The following DLG2 variants were observed in gnomAD, a reference collection of about 807,000 sequenced individuals.
DLG2 encodes the protein disks large homolog 2.
Under a neutral mutation model 132.5 loss-of-function variants are expected in DLG2, and 45 were observed. That is an observed-to-expected ratio of 0.34 (90% CI 0.27 to 0.44). The LOEUF is 0.44. DLG2 is among the 20% of genes least tolerant of loss of function. The pLI is 1.00. For missense variants in DLG2, 1,045 were observed against 1,196.9 expected, an observed-to-expected ratio of 0.87 and a Z score of 1.87; for synonymous variants, 424 against 419.6, an observed-to-expected ratio of 1.01 and a Z score of -0.13.
chr11:84,001,194 G>A (rs1472044946), intron 11 of DLG2, among the ~76,000 whole-genome samples: 1 of 151,222 alleles, frequency 6.6e-6, no homozygotes, highest in East Asian at 1.9e-4. Flanking sequence ...CTGCCTATAA[G>A]AAACATACTT....
At position 85,583,130 on chromosome 11, in the gene DLG2, G is replaced by GTATGTATATATATA. The variant is rs2078715565; in HGVS notation, c.40+15526_40+15527insTATATATATACATA. On this transcript the variant is annotated intron_variant, in intron 3 of 27. Transcript: ENST00000376104. Reference sequence around the variant, plus strand: ...TGTGTGTGTGTGTGTGTGTGTGTGTGTATATATATATATATATATATATAT... The same window carrying GTATGTATATATATA: ...TGTGTGTGTGTGTGTGTGTGTGTGTGTATGTATATATATATATATATATATATATATATATATAT... 1.2e-3 allele frequency among the ~76,000 whole-genome samples: 17 copies of GTATGTATATATATA among 13,606 alleles called. 1 individual carries two copies. The highest frequency in any genetic ancestry group is 3.0e-3 in the African/African-American group (15 of 4,942). 8.9% of individuals were successfully genotyped at this position (13,606 alleles called of 152,430 possible).
intron 17 of DLG2, among the ~76,000 whole-genome samples, chr11:83,805,962 C>T (rs2045804710): frequency 6.6e-6 from 1 of 152,130 alleles, no homozygotes; most frequent in African/African-American, 2.4e-5. Context: ...AGTTCAATGT[C>T]CTACATTACA....
chr11:85,613,606 C>T (rs1186547726), intron 2 of DLG2, among the ~76,000 whole-genome samples: 2 of 152,124 alleles, frequency 1.3e-5, no homozygotes, highest in African/African-American at 4.8e-5. Flanking sequence ...TGCTCTGTGT[C>T]TAGCTAAAGG....
At chr11:84,673,160 C>T (rs887788788) in intron 6 of DLG2, among the ~76,000 whole-genome samples, 5 of 152,022 alleles carry the variant, frequency 3.3e-5, no homozygotes, top group East Asian at 1.9e-4. Flanking sequence ...AGATCCAAAC[C>T]GTATCACCTG....
intron 17 of DLG2, among the ~76,000 whole-genome samples, chr11:83,789,006 T>C (rs1485636566): frequency 6.6e-6 from 1 of 152,220 alleles, no homozygotes; most frequent in Non-Finnish European, 1.5e-5. Flanking sequence ...AGGCCATTTA[T>C]TATAATAGGC....
chr11:84,292,763 A>G (rs2098022207), intron 7 of DLG2, among the ~76,000 whole-genome samples: 1 of 152,172 alleles, frequency 6.6e-6, no homozygotes, highest in African/African-American at 2.4e-5. Context: ...TTTTCAGAAG[A>G]ATAAAGTACT....
chr11:84,208,361 G>A (rs1158523871), intron 8 of DLG2, among the ~76,000 whole-genome samples: 1 of 52,158 alleles, frequency 1.9e-5, no homozygotes, highest in African/African-American at 8.7e-5. Context: ...TTTTTTTTTT[G>A]GTGAGATGGA....
intron 3 of DLG2, among the ~76,000 whole-genome samples, chr11:85,305,391 C>A (rs545128057): frequency 6.6e-6 from 1 of 152,306 alleles, no homozygotes; most frequent in Admixed American, 6.5e-5. Context: ...TACCACTTGT[C>A]ACCAACGAAA....
At chr11:85,147,273 G>A (rs766299229) in intron 5 of DLG2, among the ~76,000 whole-genome samples, 26 of 152,086 alleles carry the variant, frequency 1.7e-4, no homozygotes, top group African/African-American at 4.1e-4. Flanking sequence ...TCACTGGAAC[G>A]TTCTATTCAG....
chr11:84,782,821 T>C (rs190894831), intron 6 of DLG2, among the ~76,000 whole-genome samples: 1 of 152,292 alleles, frequency 6.6e-6, no homozygotes, highest in Admixed American at 6.5e-5. Context: ...TATAGTTATT[T>C]TGGATCTGTC....
At chr11:84,446,051 A>C (rs2099033768) in intron 7 of DLG2, among the ~76,000 whole-genome samples, 1 of 150,188 alleles carries the variant, frequency 6.7e-6, no homozygotes, top group Non-Finnish European at 1.5e-5. Flanking sequence ...CTATTGCTTC[A>C]TAGAGCTCAT....
chr11:85,623,740 T>C (rs1426767140), intron 2 of DLG2, among the ~76,000 whole-genome samples: 3 of 152,218 alleles, frequency 2.0e-5, no homozygotes, highest in African/African-American at 7.2e-5. Context: ...ACTAGAAAAT[T>C]CTGTTAAAGC....
At position 84,499,809 on chromosome 11, in the gene DLG2, C is replaced by T. The variant is rs570190399; in HGVS notation, c.519+34761G>A. Among the ~76,000 whole-genome samples the T allele has an allele frequency of 5.9e-5, 9 of 152,082 alleles. No homozygotes were observed. In the South Asian group the frequency reaches 1.9e-3, roughly 32 times the overall value. On this transcript the variant is annotated intron_variant, in intron 7 of 27. Transcript: ENST00000376104. Reference sequence around the variant, plus strand: ...CATATATGCTCACACATAGATTAAGCACTTAATTTTAAATTATATCTGCTT... The same window carrying T: ...CATATATGCTCACACATAGATTAAGTACTTAATTTTAAATTATATCTGCTT...
intron 7 of DLG2, among the ~76,000 whole-genome samples, chr11:84,300,549 T>A (rs1344959870): frequency 1.3e-5 from 2 of 152,190 alleles, no homozygotes; most frequent in Non-Finnish European, 2.9e-5. Context: ...TGTATTTATT[T>A]CCTTAATTCC....
At chr11:85,380,164 C>CA (rs2085757569) in intron 3 of DLG2, among the ~76,000 whole-genome samples, 1 of 58,264 alleles carries the variant, frequency 1.7e-5, no homozygotes, top group South Asian at 3.9e-4. Flanking sequence ...CCTAGAGATA[C>CA]AAAAAATGTA....
At chr11:83,727,293 G>C (rs7342212) in intron 18 of DLG2, among the ~76,000 whole-genome samples, 34,974 of 152,040 alleles carry the variant, frequency 0.23, 4,391 homozygotes, top group African/African-American at 0.29. Context: ...ACAGACAGGA[G>C]ACTTGAGGGA....
intron 4 of DLG2, among the ~76,000 whole-genome samples, chr11:85,237,098 C>T (rs2075626247): frequency 6.6e-6 from 1 of 152,056 alleles, no homozygotes; most frequent in East Asian, 1.9e-4. Flanking sequence ...GCCCAGCCAG[C>T]ACCTGAAAAT....
At chr11:85,258,795 T>C (rs1678372493) in intron 4 of DLG2, among the ~76,000 whole-genome samples, 1 of 152,152 alleles carries the variant, frequency 6.6e-6, no homozygotes, top group African/African-American at 2.4e-5. Flanking sequence ...AGAATCAGTG[T>C]AGGAGAGGGG....
At chr11:84,618,566 C>G (rs2099608554) in intron 6 of DLG2, among the ~76,000 whole-genome samples, 1 of 152,000 alleles carries the variant, frequency 6.6e-6, no homozygotes, top group Non-Finnish European at 1.5e-5. Flanking sequence ...ATAGTTCTTT[C>G]AGGTCTGAGA....
Sources: gnomAD v4.1 joint callset for allele counts (sites outside exome capture counted in the v4.1 genomes callset) on GRCh38, gnomAD v4.1.1 for gene constraint, MANE v1.5 for transcripts, NCBI Gene and HGNC (gene_info 2026-07-23, HGNC 2026-07-21) for gene names.